DOP1B: variants seen among roughly 807,000 people sequenced by gnomAD.
The protein encoded by DOP1B is DOP1 leucine zipper like protein B.
DOP1B carries 174 observed loss-of-function variants against 233.5 expected under a neutral mutation model. The observed-to-expected ratio is 0.75, with a 90% CI of 0.66 to 0.85. The LOEUF (loss-of-function observed/expected upper bound fraction) is 0.85, where lower values mean the gene tolerates loss of function less well. Ranked by LOEUF, DOP1B falls within the 40% of genes least tolerant of loss-of-function variation. The pLI, the probability that DOP1B is intolerant of heterozygous loss-of-function variation, is 0.00. For missense variants in DOP1B, 2,652 were observed against 2,846.6 expected, an observed-to-expected ratio of 0.93 and a Z score of 1.56; for synonymous variants, 1,190 against 1,185.6, an observed-to-expected ratio of 1.00 and a Z score of -0.08.
In DOP1B at chr21:36,211,018, G is replaced by T. The variant is rs111565133; in HGVS notation, c.682-535G>T. Among the ~76,000 whole-genome samples, 1,437 of 152,204 alleles carry T rather than the reference G, an allele frequency of 9.4e-3. 25 individuals are homozygous for T. Among genetic ancestry groups the T allele is most frequent in the African/African-American group, 0.032 (1,320 of 41,508 alleles). ...TCTGTCCCCCTGGCTGTGCATTCCT[G>T]CCCTTCTTCGAGGTCTCAGTGTAGC... On this transcript the variant is annotated intron_variant, in intron 5 of 36. Coordinates refer to ENST00000691173, the MANE Select transcript of DOP1B (RefSeq NM_001320714.2).
At position 36,293,336 on chromosome 21, in the gene DOP1B, A is replaced by C. The variant is rs767632905; in HGVS notation, c.6662A>C (p.Asp2221Ala). The C allele has an allele frequency of 6.2e-7, 1 of 1,614,118 alleles. No individual in the cohort carries two copies. The highest frequency in any genetic ancestry group is 2.2e-5 in the East Asian group (1 of 44,876). ...TTTCTGCAGGAAATCAGTAGCTCTG[A>C]TGAGATCACCATGAAGAGTGAATTC... ...KLKFGEISSS[D>A]EITMKSEFPL... Residue 2221 changes from aspartate (D) to alanine (A), a missense_variant, in exon 37 of 37, where the codon GAT (aspartate) becomes GCT (alanine). This residue lies in a region of DOP1B where 2,617 missense variants were observed against 2,794.3 expected (regional missense o/e 0.94). Coordinates refer to ENST00000691173, the MANE Select transcript of DOP1B (RefSeq NM_001320714.2).
chr21:36,193,873 T>TA (rs2066260378), intron 2 of DOP1B, among the ~76,000 whole-genome samples: 1 of 152,234 alleles, frequency 6.6e-6, no homozygotes, highest in African/African-American at 2.4e-5. Context: ...ATATTCTGCT[T>TA]ATTTTTCAAT....
At chr21:36,248,276 G>C in intron 20 of DOP1B, 104 bp from the exon 21 acceptor site, 2 of 1,177,664 alleles carry the variant, frequency 1.7e-6, no homozygotes, top group Non-Finnish European at 2.4e-6. Flanking sequence ...GCTTAGAAGA[G>C]AGTCCAACAG....
In DOP1B at chr21:36,270,119, CCT is replaced by C; in HGVS notation, c.5599_5600del (p.Leu1867ArgfsTer4). On this transcript the variant is annotated frameshift_variant, in exon 27 of 37. Transcript: ENST00000691173. LOFTEE classifies it high-confidence loss of function. ...CTGGAAGTGAAGGCCCAACCTCAGG[CCT>C]CTCTAGAAGAATCTGATGCTGAGGA... is the stretch of plus-strand genomic sequence containing the variant. 1 of 1,614,092 alleles carries C rather than the reference CCT, an allele frequency of 6.2e-7. No homozygotes were observed. Among genetic ancestry groups the C allele is most frequent in the East Asian group, 2.2e-5 (1 of 44,872 alleles).
chr21:36,288,865 C>G (rs954037060), intron 34 of DOP1B, 54 bp downstream of exon 34: 5 of 1,512,802 alleles, frequency 3.3e-6, no homozygotes, highest in Non-Finnish European at 4.6e-6. Context: ...GATTAAAGCA[C>G]GTCACTTTAG....
Position 36,210,604 on chromosome 21 carries a change from C to A in DOP1B, c.682-949C>A, listed in dbSNP as rs1269910048. ...GGGTTGCAGTGAGCTAAGATTGCACCACTGCACTCCAGCCTGGGTGTCAAA... is the reference window on the plus strand; with the variant it reads ...GGGTTGCAGTGAGCTAAGATTGCACAACTGCACTCCAGCCTGGGTGTCAAA... On this transcript the variant is annotated intron_variant, in intron 5 of 36. Transcript: ENST00000691173. 7.2e-5 allele frequency among the ~76,000 whole-genome samples: 11 copies of A among 152,204 alleles called. No individual in the cohort carries two copies. The East Asian group carries it at 1.7e-3, about 24-fold the overall frequency.
intron 2 of DOP1B, among the ~76,000 whole-genome samples, chr21:36,195,340 CAAA>C (rs60003046): frequency 1.7e-4 from 14 of 84,092 alleles, no homozygotes; most frequent in East Asian, 3.8e-4. Context: ...GACTCTGGCT[CAAA>C]AAAAAAAAAA....
intron 23 of DOP1B, among the ~76,000 whole-genome samples, chr21:36,259,075 C>G (rs1471188410): frequency 6.7e-6 from 1 of 149,984 alleles, no homozygotes; most frequent in Non-Finnish European, 1.5e-5. Flanking sequence ...ATGCCATTCT[C>G]CTGCCTCAGC....
chr21:36,227,827 G>C lies in DOP1B; in HGVS notation c.1615G>C (p.Val539Leu). ...GACGTGTTTCAAGGTGCTCAGCAAA[G>C]TCCAGATGCCTCCTTCCTACCTCGA... ...LKTCFKVLSK[V>L]QMPPSYLDTE... Residue 539 changes from valine (V) to leucine (L), a missense_variant, in exon 13 of 37, where the codon GTC becomes CTC. Val to Leu is a conservative substitution (Grantham distance 32). Around this residue, in one of 3 missense-constraint regions of DOP1B, gnomAD observed 2,617 missense variants for 2,794.3 expected, o/e 0.94. Coordinates refer to ENST00000691173, the MANE Select transcript of DOP1B (RefSeq NM_001320714.2). The C allele has an allele frequency of 6.2e-7, 1 of 1,611,822 alleles. No individual in the cohort carries two copies.
At chr21:36,266,554 C>G (rs1322951505) in intron 26 of DOP1B, among the ~76,000 whole-genome samples, 1 of 152,194 alleles carries the variant, frequency 6.6e-6, no homozygotes, top group East Asian at 1.9e-4. Flanking sequence ...GGGCACAGAG[C>G]TTCCATGCCC....
In DOP1B at chr21:36,293,425, A is replaced by C; in HGVS notation, c.6751A>C (p.Asn2251His). ...GTTGATGCCATTCTTCATGACTCTA[A>C]ATGGTGCATTTAAGACCCAGAGACA... is the stretch of plus-strand genomic sequence containing the variant. ...RQLMPFFMTLNGAFKTQRQLP... is the reference protein window; with the variant it reads ...RQLMPFFMTLHGAFKTQRQLP... The change falls in exon 37 of 37, where the codon AAT becomes CAT. Residue 2251 changes from asparagine (N) to histidine (H), a missense_variant. By Grantham distance (68) the Asn-to-His change is moderately conservative. Transcript: ENST00000691173. 6.2e-7 allele frequency: 1 copy of C among 1,614,100 alleles called. No individual in the cohort carries two copies.
chr21:36,248,716 T>A, intron 21 of DOP1B, 148 bp downstream of exon 21: 1 of 795,592 alleles, frequency 1.3e-6, no homozygotes, highest in Non-Finnish European at 1.8e-6. Flanking sequence ...CTAGTTCATT[T>A]GTTATCAGTA....
At chr21:36,195,065 G>T (rs1406515777) in intron 2 of DOP1B, among the ~76,000 whole-genome samples, 1 of 152,090 alleles carries the variant, frequency 6.6e-6, no homozygotes, top group Non-Finnish European at 1.5e-5. Flanking sequence ...AAGATGCTGG[G>T]CATGATGGCT....
At chr21:36,193,247 T>A (rs1410854864) in intron 2 of DOP1B, among the ~76,000 whole-genome samples, 2 of 152,174 alleles carry the variant, frequency 1.3e-5, no homozygotes, top group Admixed American at 6.5e-5. Flanking sequence ...CATGAGAGCC[T>A]TCAGAAATGA....
Position 36,227,681 on chromosome 21 carries a change from C to T in DOP1B, c.1474-5C>T. ...GTGGGGTTAACCTACACGTTTATTTCACAGGAACTTTACTCTGAGGTGCAA... is the reference window on the plus strand; with the variant it reads ...GTGGGGTTAACCTACACGTTTATTTTACAGGAACTTTACTCTGAGGTGCAA... On this transcript the variant is annotated splice_region_variant and splice_polypyrimidine_tract_variant and intron_variant, in intron 12 of 36. Transcript: ENST00000691173. 1 of 1,521,336 alleles carries T rather than the reference C, an allele frequency of 6.6e-7. No homozygotes were observed. The highest frequency in any genetic ancestry group is 1.3e-5 in the South Asian group (1 of 79,392). 94.2% of individuals were successfully genotyped at this position (1,521,336 alleles called of 1,614,324 possible).
intron 14 of DOP1B, among the ~76,000 whole-genome samples, chr21:36,232,368 G>C (rs1031718574): frequency 1.4e-4 from 21 of 152,298 alleles, no homozygotes; most frequent in African/African-American, 4.8e-4. Context: ...GAAGCCAGAA[G>C]TCCAAGATCA....
At chr21:36,253,245 CTT>C (rs1189798300) in intron 22 of DOP1B, among the ~76,000 whole-genome samples, 2 of 152,202 alleles carry the variant, frequency 1.3e-5, no homozygotes, top group African/African-American at 4.8e-5. Flanking sequence ...GATTCCATCT[CTT>C]GTTTCCTTCA....
intron 1 of DOP1B, among the ~76,000 whole-genome samples, chr21:36,161,925 C>T (rs536988967): frequency 3.6e-4 from 55 of 152,278 alleles, no homozygotes; most frequent in African/African-American, 1.2e-3. Flanking sequence ...CAAGTTGCGG[C>T]GTATCAGTAT....
rs746741146 is a variant in DOP1B at position 36,260,701 on chromosome 21, G to A, written c.5284G>A (p.Val1762Met). The A allele has an allele frequency of 3.1e-6, 5 of 1,613,938 alleles. No homozygotes were observed. The highest frequency in any genetic ancestry group is 1.7e-5 in the Admixed American group (1 of 59,984). Residue 1762 changes from valine (V) to methionine (M), a missense_variant, in exon 24 of 37, where the codon GTG becomes ATG. This residue lies in a region of DOP1B where 2,617 missense variants were observed against 2,794.3 expected (regional missense o/e 0.94). Transcript: ENST00000691173. ...GAAATCGCCCCTAGTGGACATTCCT[G>A]TGTTGCAGTTTTGCTATGCTTTTCT... Reference protein sequence around the residue: ...DEKSPLVDIPVLQFCYAFLQR... With the variant: ...DEKSPLVDIPMLQFCYAFLQR...
Sources: allele counts gnomAD v4.1 joint callset (sites outside exome capture counted in the v4.1 genomes callset), GRCh38; gene constraint gnomAD v4.1.1; regional missense constraint gnomAD v4.1.1; transcripts MANE v1.5; gene names NCBI Gene and HGNC (gene_info 2026-07-23, HGNC 2026-07-21).